PERM1: variants seen among roughly 807,000 people sequenced by gnomAD.
PERM1 encodes the protein PGC-1 and ERR-induced regulator in muscle protein 1.
Under a neutral mutation model 44.1 loss-of-function variants are expected in PERM1, and 45 were observed. The observed-to-expected ratio is 1.02, with a 90% CI of 0.80 to 1.31. The LOEUF is 1.31. Ranked by LOEUF, PERM1 falls within the 50% of genes most tolerant of loss-of-function variation. The probability of loss-of-function intolerance (pLI) is 0.00; values close to 1 mark genes in which losing one functional copy is unlikely to be tolerated. For synonymous variants in PERM1, 565 were observed against 477.1 expected, an observed-to-expected ratio of 1.18 and a Z score of -2.40; for missense variants, 1,189 against 1,106.9, an observed-to-expected ratio of 1.07 and a Z score of -1.05.
chr1:976,069 G>A (rs1643590140), exon 3 of PERM1: 5 of 1,168,638 alleles, frequency 4.3e-6, no homozygotes, highest in Non-Finnish European at 5.9e-6. Flanking sequence ...GGACGCGGTA[G>A]AAGAGAGGGG....
At chr1:976,184 G>T in exon 3 of PERM1, 1 of 1,546,086 alleles carries the variant, frequency 6.5e-7, no homozygotes, top group South Asian at 1.2e-5. Flanking sequence ...AGGAGCTGGG[G>T]CTGGGGCTGT....
intron 1 of PERM1, among the ~76,000 whole-genome samples, chr1:978,578 T>C (rs1464594450): frequency 1.3e-5 from 2 of 152,210 alleles, no homozygotes; most frequent in Non-Finnish European, 2.9e-5. Context: ...TGCCTGACCC[T>C]GAAGGTAGCC....
At position 978,928 on chromosome 1, in the gene PERM1, AG is replaced by A. The variant is rs1027749048; in HGVS notation, c.2101del (p.Leu701SerfsTer6). 94 of 1,507,244 alleles carry A rather than the reference AG, an allele frequency of 6.2e-5. No individual in the cohort carries two copies. The highest frequency in any genetic ancestry group is 1.9e-4 in the Middle Eastern group (1 of 5,208). The allele number at this position is 1,507,244 out of a possible 1,614,324, so 93.4% of individuals were successfully genotyped here. ...GAGCCGCTCTACCACGGCTGGCTTG[AG>A]GGGGGTCCCAGGCCCCGCCCCCTCG... On this transcript the variant is annotated frameshift_variant, in exon 1 of 3. Transcript: ENST00000433179. LOFTEE classifies it high-confidence loss of function.
In PERM1 at chr1:979,224, CG is replaced by C. The variant is rs1557658992; in HGVS notation, c.1805del (p.Ala602GlyfsTer105). 6.5e-7 allele frequency: 1 copy of C among 1,550,120 alleles called. No individual in the cohort carries two copies. Among genetic ancestry groups the C allele is most frequent in the Non-Finnish European group, 8.7e-7 (1 of 1,146,790 alleles). ...GGACGCCTGCCGGATCCTGACCGGC[CG>C]CTGCCGCCTCAGCCTCTTCGTTCTC... On this transcript the variant is annotated frameshift_variant, in exon 1 of 3. Coordinates refer to ENST00000433179, the Ensembl canonical transcript of PERM1. LOFTEE classifies it high-confidence loss of function.
exon 1 of PERM1, chr1:980,544 G>A: frequency 2.7e-6 from 4 of 1,462,898 alleles, no homozygotes; most frequent in South Asian, 1.5e-5. Flanking sequence ...AGCCAGTGCT[G>A]TGGCCAGGGG....
exon 3 of PERM1, chr1:976,083 G>T (rs1216918561): frequency 7.6e-7 from 1 of 1,319,330 alleles, no homozygotes; most frequent in African/African-American, 1.5e-5. Context: ...AGAGGGGTCA[G>T]AGGGCCCGGG....
At chr1:978,840 G>T (rs771720044) in intron 1 of PERM1, 41 bp downstream of exon 2, 1 of 1,430,676 alleles carries the variant, frequency 7.0e-7, no homozygotes, top group Non-Finnish European at 9.2e-7. Context: ...GACAGTGTGT[G>T]CCTGGGATCT....
At chr1:979,250 C>T (rs1346144432) in exon 1 of PERM1, 2 of 1,550,002 alleles carry the variant, frequency 1.3e-6, no homozygotes, top group Non-Finnish European at 1.7e-6. Context: ...TCTTCGTTCT[C>T]CTCGATGGTG....
intron 1 of PERM1, among the ~76,000 whole-genome samples, chr1:978,238 A>T (rs1393893028): frequency 2.0e-5 from 3 of 146,412 alleles, no homozygotes; most frequent in African/African-American, 7.7e-5. Context: ...CCGCCCCGGG[A>T]ACCGCCTGCC....
chr1:978,336 C>T (rs1643683215), intron 1 of PERM1, among the ~76,000 whole-genome samples: 1 of 150,592 alleles, frequency 6.6e-6, no homozygotes, highest in Non-Finnish European at 1.5e-5. Context: ...CGAAACCCCT[C>T]TGTCATGGAC....
chr1:978,834 G>GT, intron 1 of PERM1, 47 bp downstream of exon 2: 2 of 1,425,654 alleles, frequency 1.4e-6, no homozygotes, highest in Admixed American at 2.8e-5. Flanking sequence ...TCCCTGGACA[G>GT]TGTGTGCCTG....
In PERM1 at chr1:976,481, G is replaced by A; in HGVS notation, c.2275+18C>T. ...CTGGCTTCTAGGCGCAGCTCCCTCT[G>A]CCCCCAGGCACCCAAACCTGTTTTC... On this transcript the variant is annotated intron_variant, in intron 2 of 2. Coordinates refer to ENST00000433179, the Ensembl canonical transcript of PERM1. The A allele has an allele frequency of 1.3e-6, 2 of 1,549,448 alleles. No homozygotes were observed. The highest frequency in any genetic ancestry group is 1.7e-6 in the Non-Finnish European group (2 of 1,146,372).
chr1:981,708 G>T (rs1242928867), upstream of PERM1, among the ~76,000 whole-genome samples: 1 of 152,272 alleles, frequency 6.6e-6, no homozygotes, highest in Non-Finnish European at 1.5e-5. Context: ...GGTGCAGGCT[G>T]CGGTGGGTCT....
exon 1 of PERM1, chr1:980,006 C>A (rs1314082636): frequency 6.5e-7 from 1 of 1,549,206 alleles, no homozygotes. Context: ...ACAGCCATGT[C>A]CGTGTCAGGT....
At chr1:981,458 G>A (rs114097763), upstream of PERM1, among the ~76,000 whole-genome samples, 1,683 of 152,308 alleles carry the variant, frequency 0.011, 27 homozygotes, top group African/African-American at 0.038. Context: ...GTCTTTGCAC[G>A]GCAAAGCACC....
chr1:978,326 C>T (rs1643682939), intron 1 of PERM1, among the ~76,000 whole-genome samples: 1 of 150,744 alleles, frequency 6.6e-6, no homozygotes, highest in Non-Finnish European at 1.5e-5. Context: ...CACGTCTTCC[C>T]GAAACCCCTC....
At position 979,384 on chromosome 1, in the gene PERM1, CG is replaced by C. The variant is rs1557659185; in HGVS notation, c.1645del (p.Arg549GlyfsTer19). On this transcript the variant is annotated frameshift_variant, in exon 1 of 3. Coordinates refer to ENST00000433179, the Ensembl canonical transcript of PERM1. LOFTEE classifies it high-confidence loss of function. ...CTTGAGGATCCGAGGCTGGTGGGGC[CG>C]GGGCCCGACAGCCACAGCCTCCCAG... 5 of 1,506,048 alleles carry C rather than the reference CG, an allele frequency of 3.3e-6. No homozygotes were observed. In the South Asian group the frequency reaches 6.6e-5, roughly 20 times the overall value. 93.3% of individuals were successfully genotyped at this position (1,506,048 alleles called of 1,614,324 possible). A position where few individuals can be genotyped will look rare whatever the true frequency, so the allele number is the denominator to read the frequency against.
In PERM1 at chr1:980,304, G is replaced by A. The variant is rs1160746300; in HGVS notation, c.726C>T (p.Ser242=). The A allele has an allele frequency of 3.9e-6, 6 of 1,550,210 alleles. No homozygotes were observed. In the Admixed American group the frequency reaches 7.8e-5, roughly 20 times the overall value. Residue 242 remains serine (S), a synonymous_variant, in exon 1 of 3, where the codon TCC becomes TCT. Coordinates refer to ENST00000433179, the Ensembl canonical transcript of PERM1. ...GCCCTGGTCTGTCTTCCTGCACAGGGGACCTGGGGCCAGGCTCAGGAGCTC... is the reference window on the plus strand; with the variant it reads ...GCCCTGGTCTGTCTTCCTGCACAGGAGACCTGGGGCCAGGCTCAGGAGCTC...
intron 1 of PERM1, 115 bp downstream of exon 2, chr1:978,766 C>G: frequency 1.0e-6 from 1 of 988,446 alleles, no homozygotes; most frequent in Non-Finnish European, 1.4e-6. Flanking sequence ...GGCTCCCCTG[C>G]TAGGGGATGA....
Sources: gnomAD v4.1 joint callset for allele counts (sites outside exome capture counted in the v4.1 genomes callset) on GRCh38, gnomAD v4.1.1 for gene constraint, MANE v1.5 for transcripts, NCBI Gene and HGNC (gene_info 2026-07-23, HGNC 2026-07-21) for gene names.